The following MGAT5 variants were observed in gnomAD, a reference collection of about 807,000 sequenced individuals.
MGAT5 encodes alpha-1,6-mannosylglycoprotein 6-beta-N-acetylglucosaminyltransferase.
Under a neutral mutation model 94.3 loss-of-function variants are expected in MGAT5, and 30 were observed. That is an observed-to-expected ratio of 0.32 (90% confidence interval 0.24 to 0.43). MGAT5 has a LOEUF of 0.43. MGAT5 is among the 20% of genes least tolerant of loss of function. The pLI is 1.00. For synonymous variants in MGAT5, 310 were observed against 322.9 expected (o/e 0.96, Z 0.43); for missense variants, 691 against 905.5 (o/e 0.76, Z 3.04).
At chr2:134,197,946 C>T (rs1204055754) in intron 1 of MGAT5, among the ~76,000 whole-genome samples, 2 of 152,260 alleles carry the variant, frequency 1.3e-5, no homozygotes, top group South Asian at 2.1e-4. Flanking sequence ...AATATAATCA[C>T]TCTGCCACTC....
intron 2 of MGAT5, among the ~76,000 whole-genome samples, chr2:134,280,011 A>T (rs1216526039): frequency 6.6e-6 from 1 of 152,148 alleles, no homozygotes; most frequent in African/African-American, 2.4e-5. Context: ...CATGTTTTTG[A>T]AAAGGTTTTG....
chr2:134,334,340 G>A (rs545386723), intron 4 of MGAT5, among the ~76,000 whole-genome samples: 8 of 151,968 alleles, frequency 5.3e-5, no homozygotes, highest in Non-Finnish European at 8.8e-5. Context: ...ATCTGGTCTC[G>A]CTCATGTCTC....
At chr2:134,238,885 G>A (rs936351344) in intron 1 of MGAT5, among the ~76,000 whole-genome samples, 3 of 152,364 alleles carry the variant, frequency 2.0e-5, no homozygotes, top group Non-Finnish European at 2.9e-5. Flanking sequence ...GGAGGTTGCG[G>A]TGAGCCGAGA....
At chr2:134,145,273 G>T (rs1421140162) in intron 1 of MGAT5, among the ~76,000 whole-genome samples, 1 of 151,090 alleles carries the variant, frequency 6.6e-6, no homozygotes, top group East Asian at 1.9e-4. Context: ...CGGGCTGGGC[G>T]CGGTGGCTCA....
chr2:134,222,356 C>A (rs534333779), intron 1 of MGAT5, among the ~76,000 whole-genome samples: 147 of 151,244 alleles, frequency 9.7e-4, no homozygotes, highest in African/African-American at 3.3e-3. Context: ...GAAAAAAAAA[C>A]CCCTGCGTGC....
At chr2:134,236,307 T>C (rs1358000616) in intron 1 of MGAT5, among the ~76,000 whole-genome samples, 1 of 152,098 alleles carries the variant, frequency 6.6e-6, no homozygotes. Flanking sequence ...TGGAGAGATA[T>C]GAAGGGATGA....
chr2:134,183,420 C>T (rs1374470253), intron 1 of MGAT5, among the ~76,000 whole-genome samples: 2 of 152,190 alleles, frequency 1.3e-5, no homozygotes, highest in African/African-American at 4.8e-5. Context: ...AACTTACAAG[C>T]TTAAGATGTG....
intron 10 of MGAT5, among the ~76,000 whole-genome samples, chr2:134,399,187 C>T (rs1324369591): frequency 6.6e-6 from 1 of 152,166 alleles, no homozygotes; most frequent in Admixed American, 6.5e-5. Flanking sequence ...TAAACATGTA[C>T]AATTATTATC....
chr2:134,398,505 T>C (rs1682843293), intron 10 of MGAT5, among the ~76,000 whole-genome samples: 1 of 152,070 alleles, frequency 6.6e-6, no homozygotes, highest in Admixed American at 6.6e-5. Context: ...AGGAGAAATA[T>C]GTGTGTCTGC....
At chr2:134,265,899 G>T (rs1278324647) in intron 1 of MGAT5, among the ~76,000 whole-genome samples, 6 of 152,100 alleles carry the variant, frequency 3.9e-5, no homozygotes, top group Non-Finnish European at 8.8e-5. Flanking sequence ...TCTGGGCGCG[G>T]TGGCTCATGC....
chr2:134,419,268 A>G (rs953297368), intron 12 of MGAT5, among the ~76,000 whole-genome samples: 1 of 152,178 alleles, frequency 6.6e-6, no homozygotes, highest in Non-Finnish European at 1.5e-5. Context: ...TTTTCAAACC[A>G]TGATGTCTAC....
chr2:134,176,783 G>A (rs1688487622), intron 1 of MGAT5, among the ~76,000 whole-genome samples: 1 of 152,130 alleles, frequency 6.6e-6, no homozygotes, highest in African/African-American at 2.4e-5. Flanking sequence ...AATACTTGGT[G>A]GACTGGCAGT....
chr2:134,449,841 C>T lies in MGAT5; in HGVS notation c.*994C>T, dbSNP rs1482618244. On this transcript the variant is annotated 3_prime_UTR_variant, in exon 16 of 16. Coordinates refer to ENST00000281923, the MANE Select transcript of MGAT5 (RefSeq NM_002410.5). ...GGTCCTTAAGAATTTGTGGCGCGAC[C>T]GGAGCTGGGCTCCTGACAGGTGGGC... The T allele has an allele frequency of 1.3e-5, 2 of 152,238 alleles. No homozygotes were observed. Among genetic ancestry groups the T allele is most frequent in the South Asian group, 2.1e-4 (1 of 4,824 alleles). 9.4% of individuals were successfully genotyped at this position (152,238 alleles called of 1,614,324 possible). A position where few individuals can be genotyped will look rare whatever the true frequency, so the allele number is the denominator to read the frequency against.
rs994977484 is a variant in MGAT5, at chr2:134,337,566, A to G, written c.646-693A>G. 5.3e-5 allele frequency among the ~76,000 whole-genome samples: 8 copies of G among 152,306 alleles called. No individual in the cohort carries two copies. The East Asian group carries it at 9.7e-4, about 18-fold the overall frequency. ...GGACTCAGCATGTTTGAGATGTTCT[A>G]TGAAATAAATACTGGTTATTATGTT... On this transcript the variant is annotated intron_variant, in intron 5 of 15. Coordinates refer to ENST00000281923, the MANE Select transcript of MGAT5 (RefSeq NM_002410.5).
At chr2:134,318,510 C>A in intron 3 of MGAT5, 140 bp from the exon 4 acceptor site, 1 of 664,496 alleles carries the variant, frequency 1.5e-6, no homozygotes, top group Non-Finnish European at 2.7e-6. Flanking sequence ...TTGACCTCGG[C>A]TCAGTGACCC....
chr2:134,288,378 T>C (rs1392885249), intron 2 of MGAT5, among the ~76,000 whole-genome samples: 1 of 152,232 alleles, frequency 6.6e-6, no homozygotes, highest in Non-Finnish European at 1.5e-5. Flanking sequence ...AAAGTCATGC[T>C]GGAACACAGC....
intron 1 of MGAT5, among the ~76,000 whole-genome samples, chr2:134,169,249 G>GTT (rs1688086168): frequency 6.6e-6 from 1 of 152,042 alleles, no homozygotes. Flanking sequence ...GTTGAAAATG[G>GTT]GATTTCAAGG....
At chr2:134,373,123 G>T (rs186057944) in intron 10 of MGAT5, among the ~76,000 whole-genome samples, 43 of 152,292 alleles carry the variant, frequency 2.8e-4, no homozygotes, top group African/African-American at 9.9e-4. Context: ...TGGGAGCTGC[G>T]GTGTTGAGGG....
intron 2 of MGAT5, among the ~76,000 whole-genome samples, chr2:134,295,018 G>A (rs916627579): frequency 3.9e-5 from 6 of 152,164 alleles, no homozygotes; most frequent in Non-Finnish European, 5.9e-5. Context: ...GTGTACTATC[G>A]TGGCAAAACT....
Sources: gnomAD v4.1 joint callset for allele counts (sites outside exome capture counted in the v4.1 genomes callset) on GRCh38, gnomAD v4.1.1 for gene constraint, MANE v1.5 for transcripts, NCBI Gene and HGNC (gene_info 2026-07-23, HGNC 2026-07-21) for gene names.